The following NKAIN3 variants were observed in gnomAD, a reference collection of about 807,000 sequenced individuals.
NKAIN3 encodes sodium/potassium-transporting ATPase subunit beta-1-interacting protein 3.
NKAIN3 carries 25 observed loss-of-function variants against 30.2 expected under a neutral mutation model. The ratio of observed to expected loss-of-function variants is 0.83; its 90% confidence interval spans 0.60 to 1.16. NKAIN3 has a LOEUF of 1.16. Among genes scored for constraint, NKAIN3 ranks in the 50% most tolerant of loss-of-function variants. The probability of loss-of-function intolerance (pLI) is 0.00; values close to 1 mark genes in which losing one functional copy is unlikely to be tolerated. For synonymous variants in NKAIN3, 91 were observed against 89.6 expected (o/e 1.02, Z -0.09); for missense variants, 225 against 254.1 (o/e 0.89, Z 0.78).
intron 3 of NKAIN3, among the ~76,000 whole-genome samples, chr8:62,591,690 C>T (rs1810659584): frequency 6.6e-6 from 1 of 151,902 alleles, no homozygotes; most frequent in Non-Finnish European, 1.5e-5. Flanking sequence ...AAGCAGTCAA[C>T]CAAGTATTCT....
intron 1 of NKAIN3, among the ~76,000 whole-genome samples, chr8:62,476,937 G>T (rs1806538878): frequency 1.3e-5 from 2 of 152,164 alleles, no homozygotes; most frequent in Admixed American, 1.3e-4. Flanking sequence ...CAGGGGAAAT[G>T]AAAGGCAAGG....
intron 1 of NKAIN3, chr8:62,344,777 T>C (rs1230144928): frequency 5.3e-6 from 2 of 374,550 alleles, no homozygotes; most frequent in East Asian, 7.9e-5. Context: ...CTGATAAAAC[T>C]AAGAAATTTA....
intron 1 of NKAIN3, among the ~76,000 whole-genome samples, chr8:62,260,950 G>A (rs1812422121): frequency 6.6e-6 from 1 of 152,062 alleles, no homozygotes; most frequent in Non-Finnish European, 1.5e-5. Flanking sequence ...ATTATCTATT[G>A]AGTATCTCTT....
At chr8:62,914,775 AT>A (rs1822033422) in intron 4 of NKAIN3, among the ~76,000 whole-genome samples, 1 of 137,554 alleles carries the variant, frequency 7.3e-6, no homozygotes, top group Non-Finnish European at 1.5e-5. Context: ...AGTTACTGTA[AT>A]CTTTTTTTTT....
chr8:62,670,835 T>A (rs7819367), intron 3 of NKAIN3, among the ~76,000 whole-genome samples: 61,869 of 150,948 alleles, frequency 0.41, 15,108 homozygotes, highest in African/African-American at 0.67. Context: ...CAAGTTAAAG[T>A]ATGGAAATGG....
chr8:62,292,323 C>A (rs1254737141), intron 1 of NKAIN3, among the ~76,000 whole-genome samples: 1 of 152,172 alleles, frequency 6.6e-6, no homozygotes, highest in Admixed American at 6.5e-5. Context: ...GTGGTTTCTT[C>A]CTAGCCTCGA....
chr8:62,543,423 G>A (rs911723954), intron 1 of NKAIN3, among the ~76,000 whole-genome samples: 8 of 152,166 alleles, frequency 5.3e-5, no homozygotes, highest in African/African-American at 1.9e-4. Context: ...TATGTATTCA[G>A]TGTCTATATA....
At chr8:62,256,365 G>A (rs1428995288) in intron 1 of NKAIN3, among the ~76,000 whole-genome samples, 1 of 152,340 alleles carries the variant, frequency 6.6e-6, no homozygotes, top group East Asian at 1.9e-4. Flanking sequence ...GCTGCAATGA[G>A]CTATGATCAT....
In NKAIN3 at chr8:62,974,506, G is replaced by T. The variant is rs1399111926; in HGVS notation, c.*9099G>T. Among the ~76,000 whole-genome samples, 1 of 152,162 alleles carries T rather than the reference G, an allele frequency of 6.6e-6. No homozygotes were observed. Among genetic ancestry groups the T allele is most frequent in the Admixed American group, 6.5e-5 (1 of 15,268 alleles). ...GGAATGCTTGTGATTTTTGCACATT[G>T]ATTTTGTATCCTGCAACTTTGCTGA... is the stretch of plus-strand genomic sequence containing the variant. On this transcript the variant is annotated 3_prime_UTR_variant, in exon 7 of 7. Coordinates refer to ENST00000623646, the MANE Select transcript of NKAIN3 (RefSeq NM_001304533.3).
intron 4 of NKAIN3, among the ~76,000 whole-genome samples, chr8:62,769,401 C>T (rs1816948531): frequency 1.3e-5 from 2 of 152,152 alleles, no homozygotes. Context: ...AACACCCTCC[C>T]CAATTGTCTT....
At chr8:62,578,968 T>C (rs705976) in intron 1 of NKAIN3, among the ~76,000 whole-genome samples, 137,269 of 151,940 alleles carry the variant, frequency 0.9, 62,301 homozygotes, top group African/African-American at 0.98. Flanking sequence ...GAATAAGATC[T>C]GGTATTTGAT....
chr8:62,795,547 C>T (rs912855104), intron 4 of NKAIN3, among the ~76,000 whole-genome samples: 1 of 152,092 alleles, frequency 6.6e-6, no homozygotes, highest in African/African-American at 2.4e-5. Flanking sequence ...CGCTATAGAA[C>T]GTTCAGCTAG....
At chr8:62,550,378 A>C (rs938875844) in intron 1 of NKAIN3, among the ~76,000 whole-genome samples, 21 of 152,190 alleles carry the variant, frequency 1.4e-4, no homozygotes, top group African/African-American at 4.8e-4. Context: ...TTCTTTTAGG[A>C]ACGTAATGAT....
At chr8:62,877,102 G>A (rs1181407439) in intron 4 of NKAIN3, among the ~76,000 whole-genome samples, 1 of 152,078 alleles carries the variant, frequency 6.6e-6, no homozygotes, top group African/African-American at 2.4e-5. Context: ...CATTGTTGTA[G>A]TGCAGGCCAG....
intron 3 of NKAIN3, among the ~76,000 whole-genome samples, chr8:62,675,442 G>A (rs1395857828): frequency 6.6e-6 from 1 of 152,054 alleles, no homozygotes; most frequent in Non-Finnish European, 1.5e-5. Context: ...TTTTTCTTCT[G>A]ACTAAAGCTT....
chr8:62,383,559 G>C (rs1444414176), intron 1 of NKAIN3: 1 of 454,754 alleles, frequency 2.2e-6, no homozygotes, highest in Non-Finnish European at 4.4e-6. Flanking sequence ...AAACTCATCT[G>C]CTGCCTTTTG....
At chr8:62,948,042 G>A (rs1325240234) in intron 5 of NKAIN3, among the ~76,000 whole-genome samples, 2 of 152,174 alleles carry the variant, frequency 1.3e-5, no homozygotes, top group Non-Finnish European at 2.9e-5. Context: ...TTGCCCATAT[G>A]AGCAACTGCC....
At position 62,766,225 on chromosome 8, in the gene NKAIN3, A is replaced by G. The variant is rs1411154750; in HGVS notation, c.471+19096A>G. ...TTAGTGGAGGCATATAATAGATTTT[A>G]TGATTAATCAAGTAACGTAATAACT... On this transcript the variant is annotated intron_variant, in intron 4 of 6. Transcript: ENST00000623646. 3.3e-5 allele frequency among the ~76,000 whole-genome samples: 5 copies of G among 152,230 alleles called. 1 individual carries two copies. The highest frequency in any genetic ancestry group is 1.2e-4 in the African/African-American group (5 of 41,458).
At chr8:62,716,521 C>T (rs1233799179) in intron 3 of NKAIN3, among the ~76,000 whole-genome samples, 2 of 151,990 alleles carry the variant, frequency 1.3e-5, no homozygotes, top group Non-Finnish European at 2.9e-5. Flanking sequence ...TAAAAGTGAG[C>T]AATTTTATAG....
Sources: allele counts gnomAD v4.1 joint callset (sites outside exome capture counted in the v4.1 genomes callset), GRCh38; gene constraint gnomAD v4.1.1; transcripts MANE v1.5; gene names NCBI Gene and HGNC (gene_info 2026-07-23, HGNC 2026-07-21).